DENND3: variants seen among roughly 807,000 people sequenced by gnomAD.
The protein encoded by DENND3 is DENN domain-containing protein 3.
DENND3 carries 88 observed loss-of-function variants against 135.1 expected under a neutral mutation model. That is an observed-to-expected ratio of 0.65 (90% CI 0.55 to 0.78). DENND3 has a LOEUF of 0.78. Among genes scored for constraint, DENND3 ranks in the 30% least tolerant of loss-of-function variants. DENND3 has a pLI of 0.00. For missense variants in DENND3, 1,392 were observed against 1,688.4 expected, an observed-to-expected ratio of 0.82 and a Z score of 3.08; for synonymous variants, 693 against 712.3, an observed-to-expected ratio of 0.97 and a Z score of 0.43.
chr8:141,163,733 T>A (rs928924931), intron 10 of DENND3, among the ~76,000 whole-genome samples: 8 of 151,352 alleles, frequency 5.3e-5, no homozygotes, highest in Admixed American at 1.3e-4. Flanking sequence ...CATGGTGAAA[T>A]CCCATCTCTA....
rs972286792 is a variant in DENND3, at chr8:141,166,612, C to T, written c.1753+223C>T. Among the ~76,000 whole-genome samples the T allele has an allele frequency of 4.6e-5, 7 of 152,196 alleles. No individual in the cohort carries two copies. In the South Asian group the frequency reaches 6.2e-4, roughly 13 times the overall value. On this transcript the variant is annotated intron_variant, in intron 12 of 22. Transcript: ENST00000519811. This position sits in a 1 kb window ranked among gnomAD's most constrained non-coding sequence, Gnocchi z 4.3. ...CACCCAGTGTCACCGCTAAAGATAA[C>T]GGGGGCTCGGCATGGTTCGGCATCC...
rs1348411715 is a variant in DENND3 at position 141,164,814 on chromosome 8, C to T, written c.1450-372C>T. The stretch of plus-strand genomic sequence containing the variant: ...AGCTGCGCCAGCCACGAGCCTGCCT[C>T]TCGTCCAGCATCTGAAAACAGTCGT... On this transcript the variant is annotated intron_variant, in intron 10 of 22. Coordinates refer to ENST00000519811, the MANE Select transcript of DENND3 (RefSeq NM_001352890.3). Among the ~76,000 whole-genome samples, 4 of 152,354 alleles carry T rather than the reference C, an allele frequency of 2.6e-5. No individual in the cohort carries two copies. In the South Asian group the frequency reaches 8.3e-4, roughly 32 times the overall value.
At position 141,136,521 on chromosome 8, in the gene DENND3, A is replaced by G. The variant is rs1263442577; in HGVS notation, c.115A>G (p.Lys39Glu). Residue 39 changes from lysine to glutamate, a missense_variant, in exon 2 of 23, where the codon AAG (lysine) becomes GAG (glutamate). Physicochemically the swap from Lys to Glu is moderately conservative, Grantham distance 56 (BLOSUM62 1). Coordinates refer to ENST00000519811, the MANE Select transcript of DENND3 (RefSeq NM_001352890.3). ...TTCCCTTTTTTAGGTTGCTTATAAA[A>G]AGGGAGTCAAACATCTTTCTGCTCT... ...LRSLEQVAYK[K>E]GVKHLSALLD... The G allele has an allele frequency of 1.9e-6, 3 of 1,545,192 alleles. No individual in the cohort carries two copies. In the South Asian group the frequency reaches 3.6e-5, roughly 18 times the overall value.
chr8:141,194,500 C>T lies in DENND3; in HGVS notation c.*267C>T, dbSNP rs1825149357. Reference sequence around the variant, plus strand: ...AGCTGCGTCTTGTTGGTGATAACCTCTGCTGGGAGGTTACTTTGTTGCCTA... The same window carrying T: ...AGCTGCGTCTTGTTGGTGATAACCTTTGCTGGGAGGTTACTTTGTTGCCTA... On this transcript the variant is annotated 3_prime_UTR_variant, in exon 23 of 23. Transcript: ENST00000519811. 2.1e-6 allele frequency: 1 copy of T among 474,776 alleles called. No homozygotes were observed. Among genetic ancestry groups the T allele is most frequent in the South Asian group, 2.8e-5 (1 of 35,926 alleles). The allele number at this position is 474,776 out of a possible 1,614,324, so 29.4% of individuals were successfully genotyped here.
At chr8:141,157,259 T>C in intron 8 of DENND3, 1 of 979,078 alleles carries the variant, frequency 1.0e-6, no homozygotes, top group Non-Finnish European at 1.2e-6. Context: ...GGGACTTTGG[T>C]CAGGGGAGGG....
rs201800954 is a variant in DENND3, at chr8:141,180,780, C to T, written c.2870C>T (p.Thr957Ile). ...ACGCTTCCGGAGACAACCCTGGAAA[C>T]ACTGAAGCATAAAATCAACCCCTCG... is the stretch of plus-strand genomic sequence containing the variant. ...PMTLPETTLE[T>I]LKHKINPSAG... The change falls in exon 17 of 23, where the codon ACA becomes ATA. Residue 957 changes from threonine to isoleucine, a missense_variant. By Grantham distance (89) the Thr-to-Ile change is moderately conservative. Coordinates refer to ENST00000519811, the MANE Select transcript of DENND3 (RefSeq NM_001352890.3). The T allele has an allele frequency of 5.1e-5, 83 of 1,613,502 alleles. No homozygotes were observed. Among genetic ancestry groups the T allele is most frequent in the Non-Finnish European group, 6.6e-5 (78 of 1,179,832 alleles).
chr8:141,191,807 TTC>T (rs1824799760), intron 20 of DENND3: 1 of 152,864 alleles, frequency 6.5e-6, no homozygotes, highest in African/African-American at 2.4e-5. Flanking sequence ...CTGTTATTTG[TTC>T]TGTTCTTCCT....
Position 141,144,407 on chromosome 8 carries a change from TGACTGAC to T in DENND3, c.735+149_735+155del, listed in dbSNP as rs1231347681. 9.7e-6 allele frequency: 8 copies of T among 823,156 alleles called. No individual in the cohort carries two copies. Among genetic ancestry groups the T allele is most frequent in the Non-Finnish European group, 1.4e-5 (8 of 554,754 alleles). 51.0% of individuals were successfully genotyped at this position (823,156 alleles called of 1,614,324 possible). On this transcript the variant is annotated intron_variant, in intron 5 of 22. Transcript: ENST00000519811. The surrounding 1 kb of genome is among the most constrained non-coding windows in gnomAD (Gnocchi z 4.4). ...CCTAACCCCCCCGCCTCCCCACAGC[TGACTGAC>T]TGGACCCCCTTTTGGCCAAGGGGAC...
chr8:141,157,262 G>C (rs1819554056), intron 8 of DENND3: 1 of 980,684 alleles, frequency 1.0e-6, no homozygotes, highest in African/African-American at 1.8e-5. Context: ...ACTTTGGTCA[G>C]GGGAGGGTGA....
chr8:141,187,103 CCCT>C (rs1254346851), intron 18 of DENND3, among the ~76,000 whole-genome samples: 1 of 152,174 alleles, frequency 6.6e-6, no homozygotes, highest in Non-Finnish European at 1.5e-5. Context: ...TATCTGGTCA[CCCT>C]CCAAGCAGCC....
chr8:141,181,775 A>AT (rs1360511632), intron 17 of DENND3, among the ~76,000 whole-genome samples: 1 of 151,716 alleles, frequency 6.6e-6, no homozygotes, highest in Non-Finnish European at 1.5e-5. Flanking sequence ...TTTTTTGTGT[A>AT]TTTTTTATTT....
rs960947919 is a variant in DENND3 at position 141,141,449 on chromosome 8, C to T, written c.623+125C>T. On this transcript the variant is annotated intron_variant, in intron 4 of 22. Coordinates refer to ENST00000519811, the MANE Select transcript of DENND3 (RefSeq NM_001352890.3). This position sits in a 1 kb window ranked among gnomAD's most constrained non-coding sequence, Gnocchi z 5.3. ...GCTCTCTGTTCCTCTCCTGGTGAGC[C>T]GGGGGACCGGGCGCTGGGGGCAGTA... 1.3e-5 allele frequency: 14 copies of T among 1,083,790 alleles called. No homozygotes were observed. The highest frequency in any genetic ancestry group is 5.0e-5 in the Admixed American group (2 of 40,040). The allele number at this position is 1,083,790 out of a possible 1,614,324, so 67.1% of individuals were successfully genotyped here.
At position 141,167,234 on chromosome 8, in the gene DENND3, G is replaced by A. The variant is rs1214993180; in HGVS notation, c.1754-770G>A. Among the ~76,000 whole-genome samples the A allele has an allele frequency of 3.3e-5, 5 of 152,198 alleles. No homozygotes were observed. Among genetic ancestry groups the A allele is most frequent in the Non-Finnish European group, 7.4e-5 (5 of 68,022 alleles). The stretch of plus-strand genomic sequence containing the variant: ...TCTGCCCCTGGCTGTGTGACCCTGG[G>A]CAGGCAGCTTCACCTCCCTGGTTCT... On this transcript the variant is annotated intron_variant, in intron 12 of 22. Transcript: ENST00000519811. The surrounding 1 kb of genome is among the most constrained non-coding windows in gnomAD (Gnocchi z 4.1).
In DENND3 at chr8:141,167,293, G is replaced by A. The variant is rs1409909215; in HGVS notation, c.1754-711G>A. Among the ~76,000 whole-genome samples the A allele has an allele frequency of 1.3e-5, 2 of 152,224 alleles. No individual in the cohort carries two copies. Among genetic ancestry groups the A allele is most frequent in the East Asian group, 1.9e-4 (1 of 5,172 alleles). ...TCTTCTGAACATCTGTCAGTCTGCC[G>A]CTGGCAGGTGCCCTGTGCCCACTCA... On this transcript the variant is annotated intron_variant, in intron 12 of 22. Coordinates refer to ENST00000519811, the MANE Select transcript of DENND3 (RefSeq NM_001352890.3). The surrounding 1 kb of genome is among the most constrained non-coding windows in gnomAD (Gnocchi z 4.1).
At chr8:141,185,300 A>C (rs753578413) in intron 18 of DENND3, 22 bp downstream of exon 18, 2 of 1,613,512 alleles carry the variant, frequency 1.2e-6, no homozygotes, top group Non-Finnish European at 1.7e-6. Flanking sequence ...AAGCGTCAGG[A>C]AAGAAGCCTC....
In DENND3 at chr8:141,139,010, C is replaced by T. The variant is rs985206785; in HGVS notation, c.501+873C>T. ...ATTGGGAGTGTTGTCTGGGTAGGGC[C>T]GTGTGTGTGAATCAGTGGGCCTTTG... is the stretch of plus-strand genomic sequence containing the variant. On this transcript the variant is annotated intron_variant, in intron 3 of 22. Coordinates refer to ENST00000519811, the MANE Select transcript of DENND3 (RefSeq NM_001352890.3). This position sits in a 1 kb window ranked among gnomAD's most constrained non-coding sequence, Gnocchi z 4.2. Among the ~76,000 whole-genome samples the T allele has an allele frequency of 3.3e-5, 5 of 152,100 alleles. No individual in the cohort carries two copies. Among genetic ancestry groups the T allele is most frequent in the African/African-American group, 1.2e-4 (5 of 41,400 alleles).
chr8:141,137,747 C>T lies in DENND3; in HGVS notation c.386-275C>T, dbSNP rs187718396. 6.6e-5 allele frequency among the ~76,000 whole-genome samples: 10 copies of T among 152,344 alleles called. No individual in the cohort carries two copies. Among genetic ancestry groups the T allele is most frequent in the Admixed American group, 6.5e-4 (10 of 15,306 alleles). ...TTTCCTGGTCACAGGGATTATAAAC[C>T]TGGGACAGGCGCCAGGTGGGCGGCT... On this transcript the variant is annotated intron_variant, in intron 2 of 22. Coordinates refer to ENST00000519811, the MANE Select transcript of DENND3 (RefSeq NM_001352890.3). This position sits in a 1 kb window ranked among gnomAD's most constrained non-coding sequence, Gnocchi z 4.1.
At chr8:141,191,749 T>G (rs909426252) in intron 20 of DENND3, 1 of 152,686 alleles carries the variant, frequency 6.5e-6, no homozygotes, top group Non-Finnish European at 1.5e-5. Context: ...TCAGGGCCGG[T>G]AGCGACGTGG....
At position 141,166,279 on chromosome 8, in the gene DENND3, G is replaced by T; in HGVS notation, c.1643G>T (p.Arg548Leu). Residue 548 changes from arginine (R) to leucine (L), a missense_variant, in exon 12 of 23, where the codon CGC becomes CTC. Coordinates refer to ENST00000519811, the MANE Select transcript of DENND3 (RefSeq NM_001352890.3). This position sits in a 1 kb window ranked among gnomAD's most constrained non-coding sequence, Gnocchi z 4.3. The stretch of plus-strand genomic sequence containing the variant: ...TCGCACCTGCATGTCACCCACAGGC[G>T]CATGGTGGTCAGCATGCCCAACCTG... The part of the protein sequence containing the change: ...KSSHLHVTHR[R>L]MVVSMPNLQD... 6.2e-7 allele frequency: 1 copy of T among 1,614,104 alleles called. No individual in the cohort carries two copies. The highest frequency in any genetic ancestry group is 8.5e-7 in the Non-Finnish European group (1 of 1,180,042).
Sources: allele counts gnomAD v4.1 joint callset (sites outside exome capture counted in the v4.1 genomes callset), GRCh38; gene constraint gnomAD v4.1.1; non-coding constraint Gnocchi (gnomAD v3.1); transcripts MANE v1.5; gene names NCBI Gene and HGNC (gene_info 2026-07-23, HGNC 2026-07-21).